Variants in CTNNA3 observed in about 807,000 individuals in gnomAD.
CTNNA3 encodes catenin alpha-3.
Under a neutral mutation model 95.7 loss-of-function variants are expected in CTNNA3, and 76 were observed. The ratio of observed to expected loss-of-function variants is 0.79; its 90% CI spans 0.66 to 0.96. CTNNA3 has a LOEUF of 0.96. CTNNA3 is among the 40% of genes least tolerant of loss of function. The probability of loss-of-function intolerance (pLI) is 0.00; values close to 1 mark genes in which losing one functional copy is unlikely to be tolerated. For synonymous variants in CTNNA3, 431 were observed against 374.4 expected, an observed-to-expected ratio of 1.15 and a Z score of -1.74; for missense variants, 1,191 against 1,089.8, an observed-to-expected ratio of 1.09 and a Z score of -1.31.
intron 13 of CTNNA3, chr10:66,118,305 G>A (rs1589452812): frequency 6.6e-6 from 1 of 151,964 alleles, no homozygotes; most frequent in South Asian, 2.1e-4. Flanking sequence ...AGTCTTAGAC[G>A]TCACCAGGGC....
At chr10:66,844,876 C>T (rs1843191486) in intron 7 of CTNNA3, among the ~76,000 whole-genome samples, 1 of 152,080 alleles carries the variant, frequency 6.6e-6, no homozygotes, top group South Asian at 2.1e-4. Context: ...GGTTAAGTGT[C>T]CTTCCTTCTA....
chr10:67,327,397 G>A (rs1036878184), intron 5 of CTNNA3, among the ~76,000 whole-genome samples: 1 of 152,098 alleles, frequency 6.6e-6, no homozygotes, highest in Non-Finnish European at 1.5e-5. Context: ...TTTGGATGGG[G>A]TTTTTTTCCT....
chr10:66,432,648 G>A (rs7913940), intron 11 of CTNNA3, among the ~76,000 whole-genome samples: 39,418 of 146,936 alleles, frequency 0.27, 5,380 homozygotes, highest in South Asian at 0.39. Flanking sequence ...GTGACAGAGC[G>A]AGACCATCTC....
chr10:67,045,271 C>T (rs1490223483), intron 7 of CTNNA3, among the ~76,000 whole-genome samples: 1 of 152,112 alleles, frequency 6.6e-6, no homozygotes, highest in African/African-American at 2.4e-5. Flanking sequence ...AGAGTATAAA[C>T]ACAGATAAGA....
At chr10:66,651,062 T>C (rs1409633306) in intron 9 of CTNNA3, among the ~76,000 whole-genome samples, 1 of 152,066 alleles carries the variant, frequency 6.6e-6, no homozygotes, top group East Asian at 1.9e-4. Context: ...TTACAATCCT[T>C]TAGCTAGACA....
intron 13 of CTNNA3, among the ~76,000 whole-genome samples, chr10:66,184,403 C>T (rs2086221089): frequency 6.6e-6 from 1 of 152,068 alleles, no homozygotes; most frequent in Non-Finnish European, 1.5e-5. Flanking sequence ...ACTTTCTCTG[C>T]CTCTGAGGTA....
At chr10:66,203,047 G>A (rs1201069017) in intron 13 of CTNNA3, among the ~76,000 whole-genome samples, 1 of 152,128 alleles carries the variant, frequency 6.6e-6, no homozygotes, top group Admixed American at 6.6e-5. Flanking sequence ...TACGCTTCAT[G>A]GGACAAACCA....
intron 9 of CTNNA3, among the ~76,000 whole-genome samples, chr10:66,660,774 C>T (rs1589086832): frequency 6.6e-6 from 1 of 152,172 alleles, no homozygotes; most frequent in East Asian, 1.9e-4. Context: ...TAAAATTGAT[C>T]TCTACTCTCA....
intron 10 of CTNNA3, among the ~76,000 whole-genome samples, chr10:66,541,487 T>G (rs1399350645): frequency 2.0e-5 from 3 of 152,146 alleles, no homozygotes; most frequent in Non-Finnish European, 4.4e-5. Context: ...TTTCTCAGTA[T>G]AAGAAGTAAA....
At chr10:66,950,250 AT>A (rs1171568917) in intron 7 of CTNNA3, among the ~76,000 whole-genome samples, 1 of 152,130 alleles carries the variant, frequency 6.6e-6, no homozygotes, top group Non-Finnish European at 1.5e-5. Flanking sequence ...ATTGTATATT[AT>A]TATTATTTTA....
intron 11 of CTNNA3, among the ~76,000 whole-genome samples, chr10:66,389,392 C>T (rs1389777715): frequency 6.6e-6 from 1 of 152,064 alleles, no homozygotes; most frequent in African/African-American, 2.4e-5. Flanking sequence ...AACATTTGCT[C>T]TGAGGTGAGG....
chr10:67,562,467 T>A (rs1049041617), intron 3 of CTNNA3, among the ~76,000 whole-genome samples: 2 of 152,120 alleles, frequency 1.3e-5, no homozygotes, highest in Non-Finnish European at 2.9e-5. Flanking sequence ...CTCAATAAAT[T>A]AAGTATTGAT....
chr10:66,615,184 A>G (rs189132851), intron 10 of CTNNA3, among the ~76,000 whole-genome samples: 21 of 152,056 alleles, frequency 1.4e-4, no homozygotes, highest in Non-Finnish European at 2.5e-4. Flanking sequence ...TATATTGAAA[A>G]TTTCCTTCTA....
chr10:66,502,726 A>G (rs1439620474), intron 11 of CTNNA3, among the ~76,000 whole-genome samples: 1 of 152,136 alleles, frequency 6.6e-6, no homozygotes, highest in African/African-American at 2.4e-5. Flanking sequence ...ATTGATGGAA[A>G]AAAAAAACTC....
Position 66,159,298 on chromosome 10 carries a change from C to T in CTNNA3, c.1885-56049G>A, listed in dbSNP as rs7079571. ...AGTATAATGTTGGCTGTGAGTTTGT[C>T]ATAGATGGCTTTTATTACATTAAGG... is the stretch of plus-strand genomic sequence containing the variant. On this transcript the variant is annotated intron_variant, in intron 13 of 17. Coordinates refer to ENST00000433211, the MANE Select transcript of CTNNA3 (RefSeq NM_013266.4). 6.8e-3 allele frequency among the ~76,000 whole-genome samples: 1,037 copies of T among 152,130 alleles called. 11 individuals carry two copies. The highest frequency in any genetic ancestry group is 0.024 in the African/African-American group (978 of 41,520).
intron 16 of CTNNA3, among the ~76,000 whole-genome samples, chr10:65,987,511 G>A (rs2133322098): frequency 6.6e-6 from 1 of 152,008 alleles, no homozygotes; most frequent in Non-Finnish European, 1.5e-5. Flanking sequence ...TGCTATAATT[G>A]AAAGAACAAA....
At chr10:67,682,958 T>C (rs1840655189) in intron 1 of CTNNA3, among the ~76,000 whole-genome samples, 1 of 152,188 alleles carries the variant, frequency 6.6e-6, no homozygotes, top group Admixed American at 6.5e-5. Context: ...TAACCAAATA[T>C]AACTGTCTTA....
chr10:67,228,807 G>A (rs1386460991), intron 5 of CTNNA3, among the ~76,000 whole-genome samples: 1 of 152,004 alleles, frequency 6.6e-6, no homozygotes, highest in East Asian at 1.9e-4. Flanking sequence ...CCAATAACAA[G>A]CAGCGAGATT....
At chr10:66,688,834 C>T (rs751735692) in intron 9 of CTNNA3, among the ~76,000 whole-genome samples, 40 of 150,942 alleles carry the variant, frequency 2.7e-4, no homozygotes, top group Middle Eastern at 3.2e-3. Flanking sequence ...ATTAGCCGGG[C>T]GTGGTGGCGG....
Sources: allele counts gnomAD v4.1 joint callset (sites outside exome capture counted in the v4.1 genomes callset), GRCh38; gene constraint gnomAD v4.1.1; transcripts MANE v1.5; gene names NCBI Gene and HGNC (gene_info 2026-07-23, HGNC 2026-07-21).